The following CTNNA2 variants were observed in gnomAD, a reference collection of about 807,000 sequenced individuals.
The protein encoded by CTNNA2 is catenin alpha-2.
A neutral mutation model predicts 101.0 loss-of-function variants in CTNNA2; 42 were observed. The observed-to-expected ratio is 0.42, with a 90% confidence interval of 0.32 to 0.54. CTNNA2 has a LOEUF of 0.54. CTNNA2 is among the 20% of genes least tolerant of loss of function. The pLI is 0.14. For synonymous variants in CTNNA2, 450 were observed against 456.4 expected, an observed-to-expected ratio of 0.99 and a Z score of 0.18; for missense variants, 871 against 1,223.1, an observed-to-expected ratio of 0.71 and a Z score of 4.29.
At chr2:79,805,442 G>C (rs1676494857) in intron 3 of CTNNA2, among the ~76,000 whole-genome samples, 1 of 152,140 alleles carries the variant, frequency 6.6e-6, no homozygotes, top group Admixed American at 6.5e-5. Flanking sequence ...GGTCAGGTGT[G>C]AAATTTTCCA....
intron 3 of CTNNA2, among the ~76,000 whole-genome samples, chr2:79,336,660 A>G (rs962283230): frequency 6.6e-6 from 1 of 152,060 alleles, no homozygotes; most frequent in Non-Finnish European, 1.5e-5. Flanking sequence ...TCTCTCACCT[A>G]CAGGTGGGAT....
At chr2:80,152,694 G>T (rs1228158089) in intron 7 of CTNNA2, among the ~76,000 whole-genome samples, 9 of 144,318 alleles carry the variant, frequency 6.2e-5, no homozygotes, top group Non-Finnish European at 1.2e-4. Context: ...TGCCTTTATT[G>T]TACTTAAAAA....
chr2:79,529,694 A>G (rs1672626259), intron 1 of CTNNA2, among the ~76,000 whole-genome samples: 1 of 132,268 alleles, frequency 7.6e-6, no homozygotes, highest in South Asian at 2.4e-4. Flanking sequence ...ATGAAAAAGA[A>G]AACACACTTG....
intron 2 of CTNNA2, among the ~76,000 whole-genome samples, chr2:79,221,109 C>T (rs1674339250): frequency 6.6e-6 from 1 of 150,748 alleles, no homozygotes; most frequent in African/African-American, 2.4e-5. Flanking sequence ...AATTTTATTA[C>T]AGCAATAATA....
chr2:80,089,795 C>T (rs1254611065), intron 7 of CTNNA2, among the ~76,000 whole-genome samples: 1 of 151,898 alleles, frequency 6.6e-6, no homozygotes, highest in Non-Finnish European at 1.5e-5. Context: ...TTCCCAGTGT[C>T]CTCATCTTGC....
chr2:79,456,892 A>T (rs1670827511), intron 4 of CTNNA2, among the ~76,000 whole-genome samples: 1 of 152,172 alleles, frequency 6.6e-6, no homozygotes, highest in Admixed American at 6.5e-5. Flanking sequence ...AAAACAGGAC[A>T]TTTCAAAGGG....
intron 2 of CTNNA2, among the ~76,000 whole-genome samples, chr2:79,221,012 A>C (rs1674337835): frequency 6.6e-6 from 1 of 152,330 alleles, no homozygotes; most frequent in African/African-American, 2.4e-5. Flanking sequence ...GACTTTGTTA[A>C]CTCAGCAGTG....
chr2:79,562,409 G>A (rs980823934), intron 1 of CTNNA2, among the ~76,000 whole-genome samples: 2 of 151,964 alleles, frequency 1.3e-5, no homozygotes, highest in Non-Finnish European at 2.9e-5. Flanking sequence ...AAATAATGTA[G>A]TTAGGTAAAT....
chr2:79,984,732 G>A (rs1032996643), intron 7 of CTNNA2, among the ~76,000 whole-genome samples: 29 of 152,026 alleles, frequency 1.9e-4, no homozygotes, highest in Admixed American at 9.8e-4. Flanking sequence ...GCCCAGCCCT[G>A]CCATTATTGC....
intron 1 of CTNNA2, among the ~76,000 whole-genome samples, chr2:79,522,283 C>T (rs1672159004): frequency 6.6e-6 from 1 of 152,158 alleles, no homozygotes; most frequent in Non-Finnish European, 1.5e-5. Context: ...CAAACAGATC[C>T]TCAGATTTCT....
At chr2:79,906,540 C>A (rs1685441281) in intron 6 of CTNNA2, among the ~76,000 whole-genome samples, 1 of 152,128 alleles carries the variant, frequency 6.6e-6, no homozygotes, top group Admixed American at 6.5e-5. Flanking sequence ...TTTTAAAAAG[C>A]TTTTCCACTG....
intron 8 of CTNNA2, among the ~76,000 whole-genome samples, chr2:80,404,744 C>T (rs1279137479): frequency 6.6e-6 from 1 of 152,104 alleles, no homozygotes; most frequent in Non-Finnish European, 1.5e-5. Flanking sequence ...TATTAAGATG[C>T]CTTTTGTTTA....
At chr2:79,956,230 T>A (rs2104512043) in intron 7 of CTNNA2, among the ~76,000 whole-genome samples, 1 of 152,146 alleles carries the variant, frequency 6.6e-6, no homozygotes, top group African/African-American at 2.4e-5. Context: ...CTCCAGAAAA[T>A]TTTGCTTAAA....
intron 2 of CTNNA2, among the ~76,000 whole-genome samples, chr2:79,265,001 A>C (rs535109659): frequency 6.6e-6 from 1 of 152,150 alleles, no homozygotes; most frequent in South Asian, 2.1e-4. Context: ...CTCCCACTGC[A>C]TTTTTCATTA....
At chr2:79,668,775 T>C (rs17017471) in intron 2 of CTNNA2, among the ~76,000 whole-genome samples, 12,930 of 152,272 alleles carry the variant, frequency 0.085, 678 homozygotes, top group East Asian at 0.26. Context: ...AATCTGTAAA[T>C]TGTGGGTTTA....
chr2:79,772,296 C>T (rs1394107244), intron 3 of CTNNA2, among the ~76,000 whole-genome samples: 1 of 152,132 alleles, frequency 6.6e-6, no homozygotes, highest in Non-Finnish European at 1.5e-5. Flanking sequence ...ACTCCCCATC[C>T]CTGAAGACTC....
chr2:79,286,431 T>C (rs1675585188), intron 2 of CTNNA2, among the ~76,000 whole-genome samples: 1 of 152,092 alleles, frequency 6.6e-6, no homozygotes, highest in Admixed American at 6.6e-5. Flanking sequence ...CTTCAGGAGC[T>C]CTTTTAGGGC....
At chr2:80,346,466 G>C (rs1280435214) in intron 7 of CTNNA2, among the ~76,000 whole-genome samples, 1 of 152,192 alleles carries the variant, frequency 6.6e-6, no homozygotes, top group Non-Finnish European at 1.5e-5. Flanking sequence ...CCATTCATGA[G>C]GGACCTGCCT....
At chr2:79,665,215 T>C (rs911851747) in intron 2 of CTNNA2, among the ~76,000 whole-genome samples, 5 of 152,186 alleles carry the variant, frequency 3.3e-5, no homozygotes, top group African/African-American at 4.8e-5. Context: ...TTTGTTCTTA[T>C]GTTAGATGCT....
Sources: allele counts gnomAD v4.1 joint callset (sites outside exome capture counted in the v4.1 genomes callset), GRCh38; gene constraint gnomAD v4.1.1; transcripts MANE v1.5; gene names NCBI Gene and HGNC (gene_info 2026-07-23, HGNC 2026-07-21).